FARP2: variants seen among roughly 807,000 people sequenced by gnomAD.
FARP2 encodes FERM, ARH/RhoGEF and pleckstrin domain protein 2.
Under a neutral mutation model 130.5 loss-of-function variants are expected in FARP2, and 111 were observed. That is an observed-to-expected ratio of 0.85 (90% CI 0.73 to 1.00). The LOEUF (loss-of-function observed/expected upper bound fraction) is 1.00, where lower values mean the gene tolerates loss of function less well. FARP2 is among the 50% of genes least tolerant of loss of function. FARP2 has a pLI of 0.00. For synonymous variants in FARP2, 504 were observed against 516.9 expected (o/e 0.98, Z 0.34); for missense variants, 1,385 against 1,346.3 (o/e 1.03, Z -0.45).
At chr2:241,448,368 G>A (rs2063560492) in intron 13 of FARP2, among the ~76,000 whole-genome samples, 1 of 152,214 alleles carries the variant, frequency 6.6e-6, no homozygotes, top group African/African-American at 2.4e-5. Flanking sequence ...GATTTAGATG[G>A]TAAAAACCAT....
intron 2 of FARP2, among the ~76,000 whole-genome samples, chr2:241,387,803 A>AG (rs1559721903): frequency 1.3e-5 from 2 of 151,664 alleles, no homozygotes; most frequent in Admixed American, 6.6e-5. Context: ...AAAAAAAAAA[A>AG]AAAAAAGAAA....
chr2:241,490,668 CCCTGG>C (rs2064868128), intron 22 of FARP2, among the ~76,000 whole-genome samples: 1 of 152,226 alleles, frequency 6.6e-6, no homozygotes, highest in African/African-American at 2.4e-5. Flanking sequence ...CTCTGCAGCG[CCCTGG>C]CCAGCATCAG....
chr2:241,365,927 C>T (rs957927984), intron 1 of FARP2, among the ~76,000 whole-genome samples: 5 of 149,726 alleles, frequency 3.3e-5, no homozygotes, highest in African/African-American at 7.3e-5. Context: ...ACCCCTTTCA[C>T]TTCCTCCCTC....
At chr2:241,479,791 A>G (rs1431510912) in intron 19 of FARP2, among the ~76,000 whole-genome samples, 1 of 152,144 alleles carries the variant, frequency 6.6e-6, no homozygotes, top group Non-Finnish European at 1.5e-5. Context: ...TGTCAGTGCC[A>G]TGTCGCTCCT....
At chr2:241,461,332 G>A (rs2064011747) in intron 14 of FARP2, among the ~76,000 whole-genome samples, 1 of 148,030 alleles carries the variant, frequency 6.8e-6, no homozygotes, top group East Asian at 2.0e-4. Context: ...TCCACCGGCA[G>A]CCTCTCTGCC....
chr2:241,491,778 C>T, intron 24 of FARP2, 99 bp downstream of exon 24: 1 of 1,234,290 alleles, frequency 8.1e-7, no homozygotes, highest in Middle Eastern at 2.8e-4. Context: ...TACCAGCAGG[C>T]AGGCTTGGCC....
intron 18 of FARP2, among the ~76,000 whole-genome samples, chr2:241,469,757 G>A (rs2124823932): frequency 6.6e-6 from 1 of 152,356 alleles, no homozygotes; most frequent in Middle Eastern, 3.4e-3. Flanking sequence ...GCCATGCCAT[G>A]GAGAAGACTG....
chr2:241,442,124 C>T, intron 13 of FARP2: 1 of 415,080 alleles, frequency 2.4e-6, no homozygotes, highest in Non-Finnish European at 4.9e-6. Context: ...CTGCTGGGTC[C>T]TTCTGAGACC....
intron 1 of FARP2, among the ~76,000 whole-genome samples, chr2:241,370,376 G>A (rs574102674): frequency 1.1e-4 from 17 of 152,190 alleles, no homozygotes; most frequent in Admixed American, 2.6e-4. Context: ...GATACATACC[G>A]TATTTCTGAA....
intron 17 of FARP2, among the ~76,000 whole-genome samples, chr2:241,464,665 C>T (rs1320670048): frequency 1.3e-5 from 2 of 152,002 alleles, no homozygotes; most frequent in Non-Finnish European, 2.9e-5. Flanking sequence ...AATAAAGTTC[C>T]CTCAAAACAG....
At chr2:241,492,283 T>C (rs1405329733) in intron 24 of FARP2, among the ~76,000 whole-genome samples, 1 of 152,146 alleles carries the variant, frequency 6.6e-6, no homozygotes, top group African/African-American at 2.4e-5. Context: ...CCCGAGCCTC[T>C]CCCCTGATGA....
At chr2:241,464,327 TC>T (rs1159750878) in intron 17 of FARP2, among the ~76,000 whole-genome samples, 2 of 147,526 alleles carry the variant, frequency 1.4e-5, no homozygotes, top group African/African-American at 5.1e-5. Context: ...CAGAGCAGGG[TC>T]CCCCCAGAGC....
intron 21 of FARP2, chr2:241,489,595 G>GA (rs2064844835): frequency 1.2e-5 from 2 of 162,864 alleles, no homozygotes; most frequent in Non-Finnish European, 2.7e-5. Context: ...AATCCACAGT[G>GA]GGTTTTCTTT....
At chr2:241,434,576 G>T (rs1260473324) in intron 10 of FARP2, among the ~76,000 whole-genome samples, 2 of 152,352 alleles carry the variant, frequency 1.3e-5, no homozygotes, top group East Asian at 3.9e-4. Flanking sequence ...TGTGGGCCGA[G>T]CCCGGTGGCT....
chr2:241,474,569 T>C (rs2064405790), intron 18 of FARP2, among the ~76,000 whole-genome samples: 1 of 151,354 alleles, frequency 6.6e-6, no homozygotes, highest in Non-Finnish European at 1.5e-5. Context: ...GGTGAGTAGA[T>C]CATCTGACGT....
chr2:241,453,769 G>GT (rs1180224982), intron 13 of FARP2, among the ~76,000 whole-genome samples: 617 of 53,974 alleles, frequency 0.011, 55 homozygotes, highest in African/African-American at 0.031. Context: ...GCACTTACTG[G>GT]TTTTTTTTTT....
intron 19 of FARP2, among the ~76,000 whole-genome samples, chr2:241,476,699 TAAATAAAATA>T (rs961406290): frequency 6.6e-6 from 1 of 151,850 alleles, no homozygotes; most frequent in Non-Finnish European, 1.5e-5. Flanking sequence ...CAAAATAAAA[TAAATAAAATA>T]AAATAAAATA....
chr2:241,484,231 C>T lies in FARP2; in HGVS notation c.2332-11C>T. Reference sequence around the variant, plus strand: ...GTGAAGTTCATGGATGTAAAGCTTGCTGCTTCTCAGTTCTCAGATATGTTG... The same window carrying T: ...GTGAAGTTCATGGATGTAAAGCTTGTTGCTTCTCAGTTCTCAGATATGTTG... On this transcript the variant is annotated splice_polypyrimidine_tract_variant and intron_variant, in intron 20 of 26. Coordinates refer to ENST00000264042, the MANE Select transcript of FARP2 (RefSeq NM_014808.4). 6.2e-7 allele frequency: 1 copy of T among 1,614,040 alleles called. No individual in the cohort carries two copies. The highest frequency in any genetic ancestry group is 8.5e-7 in the Non-Finnish European group (1 of 1,179,898).
intron 23 of FARP2, 48 bp from the exon 24 acceptor site, chr2:241,491,468 C>G: frequency 6.2e-7 from 1 of 1,604,350 alleles, no homozygotes. Context: ...ATTTGGCAAG[C>G]AGAGGCCACA....
Sources: gnomAD v4.1 joint callset for allele counts (sites outside exome capture counted in the v4.1 genomes callset) on GRCh38, gnomAD v4.1.1 for gene constraint, MANE v1.5 for transcripts, NCBI Gene and HGNC (gene_info 2026-07-23, HGNC 2026-07-21) for gene names.